The following TIPIN variants were observed in gnomAD, a reference collection of about 807,000 sequenced individuals.
TIPIN encodes the protein TIMELESS interacting protein.
A neutral mutation model predicts 35.6 loss-of-function variants in TIPIN; 29 were observed. The ratio of observed to expected loss-of-function variants is 0.82; its 90% CI spans 0.61 to 1.11. The LOEUF is 1.11. TIPIN is among the 50% of genes most tolerant of loss of function. The pLI, the probability that TIPIN is intolerant of heterozygous loss-of-function variation, is 0.00. For missense variants in TIPIN, 296 were observed against 345.4 expected (o/e 0.86, Z 1.13); for synonymous variants, 102 against 121.5 (o/e 0.84, Z 1.06).
At chr15:66,341,075 T>G in intron 7 of TIPIN, 75 bp downstream of exon 7, 1 of 1,334,288 alleles carries the variant, frequency 7.5e-7, no homozygotes, top group Non-Finnish European at 1.0e-6. Flanking sequence ...TTTTGGGGGC[T>G]AGCAGAGAAG....
At chr15:66,343,132 A>G (rs2093099975) in intron 6 of TIPIN, among the ~76,000 whole-genome samples, 1 of 152,220 alleles carries the variant, frequency 6.6e-6, no homozygotes, top group Non-Finnish European at 1.5e-5. Context: ...GATGGATTTC[A>G]TCTTACTAAT....
At chr15:66,350,487 C>A (rs2093159801) in intron 4 of TIPIN, among the ~76,000 whole-genome samples, 1 of 151,710 alleles carries the variant, frequency 6.6e-6, no homozygotes, top group South Asian at 2.1e-4. Flanking sequence ...CACTTGCAAT[C>A]CCAGCTACTT....
chr15:66,355,027 C>CTTT lies in TIPIN; in HGVS notation c.-9+1609_-9+1611dup, dbSNP rs747834289. ...TACACAGCAAGTGCTCAATATATAT[C>CTTT]TTTTTTTTTTTTTTTTTTTTTTGAG... is the stretch of plus-strand genomic sequence containing the variant. On this transcript the variant is annotated intron_variant, in intron 1 of 7. Transcript: ENST00000261881. Among the ~76,000 whole-genome samples, 199 of 112,696 alleles carry CTTT rather than the reference C, an allele frequency of 1.8e-3. 3 individuals carry two copies. The highest frequency in any genetic ancestry group is 2.6e-3 in the East Asian group (9 of 3,528). 73.9% of individuals were successfully genotyped at this position (112,696 alleles called of 152,430 possible). A position where few individuals can be genotyped will look rare whatever the true frequency, so the allele number is the denominator to read the frequency against.
chr15:66,368,259 C>T (rs1255233431), intron 1 of TIPIN, among the ~76,000 whole-genome samples: 1 of 151,818 alleles, frequency 6.6e-6, no homozygotes, highest in East Asian at 1.9e-4. Flanking sequence ...GTGGCTCATG[C>T]CTATAATCCC....
chr15:66,347,028 C>A (rs1047831250), intron 6 of TIPIN, among the ~76,000 whole-genome samples: 1 of 152,106 alleles, frequency 6.6e-6, no homozygotes, highest in African/African-American at 2.4e-5. Flanking sequence ...ATCTCCTGAC[C>A]TTGTGATCCA....
intron 1 of TIPIN, among the ~76,000 whole-genome samples, chr15:66,368,635 A>G (rs887731942): frequency 6.6e-6 from 1 of 152,188 alleles, no homozygotes; most frequent in African/African-American, 2.4e-5. Context: ...CAAAAGAAGT[A>G]TGGATTATGA....
At chr15:66,355,159 G>C (rs948800382) in intron 1 of TIPIN, among the ~76,000 whole-genome samples, 1 of 147,778 alleles carries the variant, frequency 6.8e-6, no homozygotes, top group Admixed American at 7.0e-5. Flanking sequence ...TCAGCCTCCC[G>C]AATAGCTGGG....
At chr15:66,358,463 TC>T (rs2093216972), upstream of TIPIN, among the ~76,000 whole-genome samples, 1 of 151,832 alleles carries the variant, frequency 6.6e-6, no homozygotes, top group Non-Finnish European at 1.5e-5. Context: ...TGAGATGGTC[TC>T]ACTTTGTTGC....
At chr15:66,340,951 G>T (rs1457177898) in intron 7 of TIPIN, among the ~76,000 whole-genome samples, 199 bp downstream of exon 7, 1 of 152,014 alleles carries the variant, frequency 6.6e-6, no homozygotes, top group African/African-American at 2.4e-5. Context: ...AACCATCTTG[G>T]ATTCATTTAT....
chr15:66,369,364 T>TTTG (rs2093269427), intron 1 of TIPIN, among the ~76,000 whole-genome samples: 1 of 148,204 alleles, frequency 6.7e-6, no homozygotes, highest in African/African-American at 2.5e-5. Flanking sequence ...TTTTTTTTTT[T>TTTG]TTTTTTTTGA....
At position 66,349,362 on chromosome 15, in the gene TIPIN, C is replaced by T. The variant is rs1420271380; in HGVS notation, c.364G>A (p.Asp122Asn). 3.7e-6 allele frequency: 6 copies of T among 1,614,082 alleles called. No homozygotes were observed. Among genetic ancestry groups the T allele is most frequent in the Non-Finnish European group, 5.1e-6 (6 of 1,180,028 alleles). Residue 122 changes from aspartate to asparagine, a missense_variant, in exon 5 of 8, where the codon GAT (aspartate) becomes AAT (asparagine). Coordinates refer to ENST00000261881, the MANE Select transcript of TIPIN (RefSeq NM_017858.3). ...HRLFPKLQFE[D>N]FIDRVEYLGS... ...AGGTATTCAACTCTGTCAATAAAAT[C>T]CTCAAACTGCAGTTTAGGGAATAGC...
At chr15:66,342,689 A>G (rs2093097449) in intron 6 of TIPIN, among the ~76,000 whole-genome samples, 1 of 152,206 alleles carries the variant, frequency 6.6e-6, no homozygotes, top group Non-Finnish European at 1.5e-5. Context: ...TATGTAGGAC[A>G]TTATCTTTTG....
intron 6 of TIPIN, among the ~76,000 whole-genome samples, chr15:66,342,199 AAAAAAAAAAG>A (rs1321513280): frequency 1.3e-5 from 2 of 151,022 alleles, no homozygotes; most frequent in Non-Finnish European, 2.9e-5. Context: ...AAAAAAAAAA[AAAAAAAAAAG>A]AAAGAAACAA....
At chr15:66,378,190 A>T (rs926384360) in intron 1 of TIPIN, among the ~76,000 whole-genome samples, 1 of 152,132 alleles carries the variant, frequency 6.6e-6, no homozygotes, top group Non-Finnish European at 1.5e-5. Flanking sequence ...TTTAGTAGAG[A>T]CAGGGTTTCA....
chr15:66,341,575 C>T (rs1422404538), intron 6 of TIPIN, among the ~76,000 whole-genome samples: 1 of 348 alleles, frequency 2.9e-3, no homozygotes, highest in African/African-American at 3.0e-3. Flanking sequence ...GAGACCATCC[C>T]GGCTAACACG....
intron 7 of TIPIN, among the ~76,000 whole-genome samples, chr15:66,338,240 G>A (rs1473233767): frequency 6.6e-6 from 1 of 152,072 alleles, no homozygotes; most frequent in African/African-American, 2.4e-5. Context: ...GGGCAATACA[G>A]TGAGGCCCCA....
Position 66,351,641 on chromosome 15 carries a change from CT to C in TIPIN, c.213-42del, listed in dbSNP as rs56040501. On this transcript the variant is annotated intron_variant, in intron 3 of 7. Coordinates refer to ENST00000261881, the MANE Select transcript of TIPIN (RefSeq NM_017858.3). Reference sequence around the variant, plus strand: ...TGTTTTTAATTTCAAGTTTTATTTTCTTTTTTTTTTTTTTGAGACGGAGTCT... The same window carrying C: ...TGTTTTTAATTTCAAGTTTTATTTTCTTTTTTTTTTTTTGAGACGGAGTCT... The C allele has an allele frequency of 8.9e-3, 9,443 of 1,064,916 alleles. 1 individual carries two copies. Among genetic ancestry groups the C allele is most frequent in the Admixed American group, 0.013 (496 of 37,504 alleles). 66.0% of individuals were successfully genotyped at this position (1,064,916 alleles called of 1,614,324 possible). A position where few individuals can be genotyped will look rare whatever the true frequency, so the allele number is the denominator to read the frequency against.
At chr15:66,380,750 G>C (rs148192692) in intron 1 of TIPIN, among the ~76,000 whole-genome samples, 11 of 152,194 alleles carry the variant, frequency 7.2e-5, no homozygotes, top group African/African-American at 1.2e-4. Flanking sequence ...GGGAGGCGTA[G>C]GTTGCAGTGA....
chr15:66,380,162 C>T (rs534323491), intron 1 of TIPIN, among the ~76,000 whole-genome samples: 12 of 152,032 alleles, frequency 7.9e-5, no homozygotes, highest in East Asian at 1.9e-4. Context: ...CCACTGCGCC[C>T]GGCTAATTTT....
Sources: allele counts gnomAD v4.1 joint callset (sites outside exome capture counted in the v4.1 genomes callset), GRCh38; gene constraint gnomAD v4.1.1; transcripts MANE v1.5; gene names NCBI Gene and HGNC (gene_info 2026-07-23, HGNC 2026-07-21).